Variants in HUWE1 observed in about 807,000 individuals in gnomAD.
The protein encoded by HUWE1 is HECT, UBA and WWE domain containing E3 ubiquitin protein ligase 1, also known as E3 ubiquitin-protein ligase HUWE1.
Under a neutral mutation model 299.4 loss-of-function variants are expected in HUWE1, and 18 were observed. The ratio of observed to expected loss-of-function variants is 0.06; its 90% CI spans 0.04 to 0.09. The LOEUF is 0.09. Ranked by LOEUF, HUWE1 falls within the 10% of genes least tolerant of loss-of-function variation. HUWE1 has a pLI of 1.00. For missense variants in HUWE1, 1,832 were observed against 3,462.3 expected (o/e 0.53, Z 11.82); for synonymous variants, 1,317 against 1,286.1 (o/e 1.02, Z -0.51).
At chrX:53,540,199 G>A (rs1556917361) in intron 74 of HUWE1, among the ~76,000 whole-genome samples, 2 of 112,096 alleles carry the variant, frequency 1.8e-5, no homozygotes, top group African/African-American at 6.5e-5. Context: ...TACACAGGAT[G>A]TTTTAGGACA....
intron 48 of HUWE1, 117 bp downstream of exon 48, chrX:53,569,499 A>G: frequency 1.5e-6 from 1 of 647,214 alleles, no homozygotes; most frequent in East Asian, 3.2e-5. Context: ...CGGACCAGAG[A>G]GTATATGATG....
chrX:53,660,499 T>G (rs1205206152), intron 3 of HUWE1, among the ~76,000 whole-genome samples: 1 of 112,183 alleles, frequency 8.9e-6, no homozygotes, highest in Non-Finnish European at 1.9e-5. Flanking sequence ...CTTTAAAAAT[T>G]TAGAAGTTGT....
intron 3 of HUWE1, among the ~76,000 whole-genome samples, chrX:53,679,370 G>A (rs182668649): frequency 8.9e-6 from 1 of 112,284 alleles, no homozygotes; most frequent in East Asian, 2.8e-4. Flanking sequence ...TTTCAGTTGT[G>A]ATAATAGTTT....
chrX:53,542,493 G>A lies in HUWE1; in HGVS notation c.11426C>T (p.Pro3809Leu). 8.3e-7 allele frequency: 1 copy of A among 1,205,882 alleles called. No individual in the cohort carries two copies. The highest frequency in any genetic ancestry group is 1.1e-6 in the Non-Finnish European group (1 of 890,252). The change falls in exon 74 of 84, where the codon CCC becomes CTC. Residue 3809 changes from proline (P) to leucine (L), a missense_variant. By Grantham distance (98) the Pro-to-Leu change is moderately conservative (BLOSUM62 -3). Coordinates refer to ENST00000262854, the MANE Select transcript of HUWE1 (RefSeq NM_031407.7). Reference sequence around the variant, plus strand: ...GGGAGATGGCTGGTCCACATCCATGGGTGATTCCTCCCTCCGGACAGACGC... The same window carrying A: ...GGGAGATGGCTGGTCCACATCCATGAGTGATTCCTCCCTCCGGACAGACGC... Reference protein sequence around the residue: ...SEASVRREESPMDVDQPSPSA... With the variant: ...SEASVRREESLMDVDQPSPSA...
chrX:53,621,586 C>T (rs2066149341), intron 19 of HUWE1, among the ~76,000 whole-genome samples: 1 of 108,174 alleles, frequency 9.2e-6, no homozygotes, highest in African/African-American at 3.4e-5. Context: ...TAACTGCCCC[C>T]ACATAACTCA....
intron 76 of HUWE1, 119 bp downstream of exon 76, chrX:53,538,716 A>ACT (rs1301490645): frequency 7.3e-6 from 5 of 687,483 alleles, no homozygotes; most frequent in Admixed American, 5.8e-5. Context: ...ACACACACAC[A>ACT]CACACACACT....
intron 39 of HUWE1, 99 bp downstream of exon 39, chrX:53,586,391 G>A: frequency 1.8e-6 from 1 of 551,074 alleles, no homozygotes; most frequent in South Asian, 2.6e-5. Flanking sequence ...ATTGGTCAGA[G>A]ACTTCTATAT....
chrX:53,591,163 A>G, intron 33 of HUWE1, 41 bp from the exon 34 acceptor site: 1 of 1,193,497 alleles, frequency 8.4e-7, no homozygotes, highest in Non-Finnish European at 1.1e-6. Context: ...CATAACGGAA[A>G]TCCAAATACA....
In HUWE1 at chrX:53,631,003, T is replaced by A. The variant is rs1557022237; in HGVS notation, c.794A>T (p.His265Leu). ...MLLFTHIRLA[H>L]GFSNHRKRLQ... Reference sequence around the variant, plus strand: ...TCGCTTCCTGTGATTAGAAAAGCCATGGGCCAGTCGTATGTGTGTAAATAA... The same window carrying A: ...TCGCTTCCTGTGATTAGAAAAGCCAAGGGCCAGTCGTATGTGTGTAAATAA... Residue 265 changes from histidine (H) to leucine (L), a missense_variant, in exon 12 of 84, where the codon CAT becomes CTT. Coordinates refer to ENST00000262854, the MANE Select transcript of HUWE1 (RefSeq NM_031407.7). 1 of 1,192,406 alleles carries A rather than the reference T, an allele frequency of 8.4e-7. No individual in the cohort carries two copies. The highest frequency in any genetic ancestry group is 2.2e-5 in the Admixed American group (1 of 46,030).
intron 61 of HUWE1, 39 bp downstream of exon 61, chrX:53,554,594 T>C (rs1484137811): frequency 4.2e-6 from 5 of 1,178,610 alleles, no homozygotes; most frequent in Non-Finnish European, 5.8e-6. Flanking sequence ...CTTTCTTCCC[T>C]CTTGTTTCAT....
In HUWE1 at chrX:53,586,907, C is replaced by T; in HGVS notation, c.4617G>A (p.Glu1539=). ...RILLLTLLFE[E]LKLPCAWVVE... Reference sequence around the variant, plus strand: ...CCACCCAAGCACAAGGTAGCTTCAACTCCTGATAGATCAAAGGGAAAAAAC... The same window carrying T: ...CCACCCAAGCACAAGGTAGCTTCAATTCCTGATAGATCAAAGGGAAAAAAC... Residue 1539 remains glutamate, a splice_region_variant and synonymous_variant, in exon 38 of 84, where the codon GAG becomes GAA. Transcript: ENST00000262854. 2.5e-6 allele frequency: 3 copies of T among 1,211,129 alleles called. No individual in the cohort carries two copies. The highest frequency in any genetic ancestry group is 1.7e-5 in the African/African-American group (1 of 57,726).
At chrX:53,608,999 C>G in intron 23 of HUWE1, 90 bp from the exon 24 acceptor site, 1 of 582,448 alleles carries the variant, frequency 1.7e-6, no homozygotes, top group Non-Finnish European at 3.0e-6. Context: ...AAATTCTAGG[C>G]CTTTTTCTAT....
At chrX:53,649,405 A>C (rs1308521288) in intron 4 of HUWE1, among the ~76,000 whole-genome samples, 2 of 111,820 alleles carry the variant, frequency 1.8e-5, no homozygotes, top group Non-Finnish European at 3.8e-5. Flanking sequence ...ATAAACTAAC[A>C]TGTACCTATA....
At chrX:53,605,527 TC>T (rs1556995945) in intron 25 of HUWE1, among the ~76,000 whole-genome samples, 1 of 112,523 alleles carries the variant, frequency 8.9e-6, no homozygotes, top group African/African-American at 3.2e-5. Context: ...TATGGATCTT[TC>T]CAAGTCTGTA....
chrX:53,570,195 G>A (rs782127749), intron 47 of HUWE1, among the ~76,000 whole-genome samples: 8 of 105,715 alleles, frequency 7.6e-5, no homozygotes, highest in East Asian at 2.8e-4. Context: ...CATGATCATC[G>A]CACACCACAG....
chrX:53,533,830 C>A, intron 83 of HUWE1, 177 bp downstream of exon 83: 2 of 502,957 alleles, frequency 4.0e-6, no homozygotes, highest in Non-Finnish European at 7.1e-6. Context: ...CCAGCCCCCA[C>A]TGTGTCTAGC....
intron 52 of HUWE1, among the ~76,000 whole-genome samples, chrX:53,563,282 C>A (rs1483030345): frequency 8.9e-6 from 1 of 112,119 alleles, no homozygotes; most frequent in Non-Finnish European, 1.9e-5. Flanking sequence ...AAACAAGTAA[C>A]ACATACACCC....
intron 3 of HUWE1, among the ~76,000 whole-genome samples, chrX:53,670,481 A>T (rs2069467558): frequency 1.8e-5 from 2 of 111,771 alleles, no homozygotes; most frequent in South Asian, 7.5e-4. Context: ...AATAGGAAAT[A>T]TAGGGTATCA....
At chrX:53,673,276 T>C (rs1028070717) in intron 3 of HUWE1, among the ~76,000 whole-genome samples, 8 of 111,644 alleles carry the variant, frequency 7.2e-5, no homozygotes, top group Non-Finnish European at 1.5e-4. Flanking sequence ...ATTAAAAAAG[T>C]ATCTCCTGTT....
Sources: allele counts gnomAD v4.1 joint callset (sites outside exome capture counted in the v4.1 genomes callset), GRCh38; gene constraint gnomAD v4.1.1; transcripts MANE v1.5; gene names NCBI Gene and HGNC (gene_info 2026-07-23, HGNC 2026-07-21).